Variants in ZNF429 observed in about 807,000 individuals in gnomAD.
ZNF429 encodes the protein zinc finger protein 429.
ZNF429 carries 53 observed loss-of-function variants against 56.8 expected under a neutral mutation model. The ratio of observed to expected loss-of-function variants is 0.93; its 90% CI spans 0.75 to 1.17. The LOEUF (loss-of-function observed/expected upper bound fraction) is 1.17, where lower values mean the gene tolerates loss of function less well. Among genes scored for constraint, ZNF429 ranks in the 50% most tolerant of loss-of-function variants. The pLI is 0.00. For missense variants in ZNF429, 849 were observed against 788.4 expected (o/e 1.08, Z -0.92); for synonymous variants, 278 against 264.7 (o/e 1.05, Z -0.49).
Position 21,539,857 on chromosome 19 carries a change from A to G in ZNF429, c.*1779A>G, listed in dbSNP as rs1426508597. ...ATTCACATGTGAAAGCATGTGATCAATTATTGCTGCATCACATATAGACTC... is the reference window on the plus strand; with the variant it reads ...ATTCACATGTGAAAGCATGTGATCAGTTATTGCTGCATCACATATAGACTC... On this transcript the variant is annotated 3_prime_UTR_variant, in exon 4 of 4. Coordinates refer to ENST00000358491, the MANE Select transcript of ZNF429 (RefSeq NM_001001415.4). Among the ~76,000 whole-genome samples, 1 of 152,152 alleles carries G rather than the reference A, an allele frequency of 6.6e-6. No homozygotes were observed. The highest frequency in any genetic ancestry group is 6.6e-5 in the Admixed American group (1 of 15,262).
At chr19:21,531,243 A>G in intron 3 of ZNF429, among the ~76,000 whole-genome samples, 1 of 152,076 alleles carries the variant, frequency 6.6e-6, no homozygotes, top group Non-Finnish European at 1.5e-5. Context: ...ACCCCTTGTA[A>G]CAAGCCAACT....
At chr19:21,529,411 A>G in intron 1 of ZNF429, 8 of 721,508 alleles carry the variant, frequency 1.1e-5, no homozygotes, top group Non-Finnish European at 1.4e-5. Context: ...ACTTAGAAAA[A>G]TGTCATGTGT....
Position 21,536,764 on chromosome 19 carries a change from A to G in ZNF429, c.711A>G (p.Ala237=). Residue 237 remains alanine (A), a synonymous_variant, in exon 4 of 4, where the codon GCA becomes GCG. Coordinates refer to ENST00000358491, the MANE Select transcript of ZNF429 (RefSeq NM_001001415.4). The part of the protein sequence containing the change: ...KHYRCEECGK[A]FNHYSTLTNH... ...ACAGATGTGAAGAATGTGGCAAAGC[A>G]TTTAACCACTACTCAACCCTTACTA... The G allele has an allele frequency of 3.7e-6, 6 of 1,611,518 alleles. No individual in the cohort carries two copies. Among genetic ancestry groups the G allele is most frequent in the Non-Finnish European group, 5.1e-6 (6 of 1,179,056 alleles).
chr19:21,526,495 A>T (rs1448019841), intron 1 of ZNF429, among the ~76,000 whole-genome samples: 1 of 152,172 alleles, frequency 6.6e-6, no homozygotes, highest in East Asian at 1.9e-4. Flanking sequence ...TTACCTTTTA[A>T]TGTAATGGCA....
Position 21,538,120 on chromosome 19 carries a change from A to G in ZNF429, c.*42A>G, listed in dbSNP as rs1211214924. 1 of 817,578 alleles carries G rather than the reference A, an allele frequency of 1.2e-6. No individual in the cohort carries two copies. Among genetic ancestry groups the G allele is most frequent in the African/African-American group, 1.8e-5 (1 of 57,044 alleles). The allele number at this position is 817,578 out of a possible 1,614,324, so 50.6% of individuals were successfully genotyped here. A position where few individuals can be genotyped will look rare whatever the true frequency, so the allele number is the denominator to read the frequency against. On this transcript the variant is annotated 3_prime_UTR_variant, in exon 4 of 4. Transcript: ENST00000358491. Reference sequence around the variant, plus strand: ...CTCTACTAAAAATACAAAAAAAAAAAAAAAAAAAATTAGCCAGGCGTGGTG... The same window carrying G: ...CTCTACTAAAAATACAAAAAAAAAAGAAAAAAAAATTAGCCAGGCGTGGTG...
intron 1 of ZNF429, among the ~76,000 whole-genome samples, chr19:21,518,114 A>T (rs1490813426): frequency 6.6e-6 from 1 of 152,150 alleles, no homozygotes; most frequent in African/African-American, 2.4e-5. Context: ...TTCTTACTTC[A>T]CTAAACTTGC....
At chr19:21,506,024 C>T in intron 1 of ZNF429, 1 of 358,590 alleles carries the variant, frequency 2.8e-6, no homozygotes, top group Non-Finnish European at 5.4e-6. Flanking sequence ...GGGAGCTCTG[C>T]ACGCGCAATT....
At chr19:21,505,980 C>G (rs1427209227) in intron 1 of ZNF429, 1 of 484,126 alleles carries the variant, frequency 2.1e-6, no homozygotes, top group African/African-American at 2.0e-5. Flanking sequence ...GTCTTCCCTC[C>G]GCAGTGACTG....
At chr19:21,514,965 G>A (rs1474706766) in intron 1 of ZNF429, among the ~76,000 whole-genome samples, 1 of 149,592 alleles carries the variant, frequency 6.7e-6, no homozygotes, top group Non-Finnish European at 1.5e-5. Context: ...TTTTGAGATG[G>A]TGTCTCACTC....
At position 21,536,782 on chromosome 19, in the gene ZNF429, C is replaced by T. The variant is rs761415429; in HGVS notation, c.729C>T (p.Thr243=). ...ECGKAFNHYS[T]LTNHKRIHTG... ...GCAAAGCATTTAACCACTACTCAAC[C>T]CTTACTAACCATAAGAGAATTCATA... The change falls in exon 4 of 4, where the codon ACC becomes ACT. Residue 243 remains threonine (T), a synonymous_variant. Transcript: ENST00000358491. 1 of 1,613,208 alleles carries T rather than the reference C, an allele frequency of 6.2e-7. No individual in the cohort carries two copies. Among genetic ancestry groups the T allele is most frequent in the East Asian group, 2.2e-5 (1 of 44,752 alleles).
At chr19:21,515,028 C>T (rs985107734) in intron 1 of ZNF429, among the ~76,000 whole-genome samples, 3 of 151,864 alleles carry the variant, frequency 2.0e-5, no homozygotes, top group South Asian at 2.1e-4. Flanking sequence ...GCAGCCTCCA[C>T]CTCCCAGATT....
intron 1 of ZNF429, among the ~76,000 whole-genome samples, chr19:21,507,349 AT>A (rs2032226673): frequency 6.6e-6 from 1 of 152,304 alleles, no homozygotes; most frequent in Non-Finnish European, 1.5e-5. Context: ...TTTAGTGTAC[AT>A]TTTTGATACT....
chr19:21,529,542 GTTC>G lies in ZNF429; in HGVS notation c.4-114_4-112del, dbSNP rs2033294779. On this transcript the variant is annotated intron_variant, in intron 1 of 3. Coordinates refer to ENST00000358491, the MANE Select transcript of ZNF429 (RefSeq NM_001001415.4). ...CAGTCACTTGTATAAGTCAGAAGCAGTTCTCTTTACTCTCTCATTTCACCTTGA... is the reference window on the plus strand; with the variant it reads ...CAGTCACTTGTATAAGTCAGAAGCAGTCTTTACTCTCTCATTTCACCTTGA... The G allele has an allele frequency of 2.4e-6, 3 of 1,269,306 alleles. No individual in the cohort carries two copies. The Admixed American group carries it at 9.2e-5, about 39-fold the overall frequency. 78.6% of individuals were successfully genotyped at this position (1,269,306 alleles called of 1,614,324 possible).
At chr19:21,508,373 G>C (rs2032286401) in intron 1 of ZNF429, among the ~76,000 whole-genome samples, 1 of 152,206 alleles carries the variant, frequency 6.6e-6, no homozygotes, top group African/African-American at 2.4e-5. Context: ...CTGAGAGGGT[G>C]GTTATTGAGT....
Position 21,538,008 on chromosome 19 carries a change from G to C in ZNF429, c.1955G>C (p.Cys652Ser), listed in dbSNP as rs780346856. 4.3e-6 allele frequency: 7 copies of C among 1,611,462 alleles called. No individual in the cohort carries two copies. The highest frequency in any genetic ancestry group is 5.9e-6 in the Non-Finnish European group (7 of 1,178,512). Residue 652 changes from cysteine to serine, a missense_variant, in exon 4 of 4, where the codon TGT (cysteine) becomes TCT (serine). Transcript: ENST00000358491. The stretch of plus-strand genomic sequence containing the variant: ...AGGATGGGTGTGGTGGCTCATGCCT[G>C]TAATCCCAGCACTTTGGGAGGCAGA... ...IHRMGVVAHA[C>S]NPSTLGGRGG...
chr19:21,509,675 C>T (rs1252033859), intron 1 of ZNF429, among the ~76,000 whole-genome samples: 3 of 152,186 alleles, frequency 2.0e-5, no homozygotes, highest in Non-Finnish European at 2.9e-5. Context: ...TGGGAACCCA[C>T]AGGCAGATAC....
intron 1 of ZNF429, among the ~76,000 whole-genome samples, chr19:21,510,355 G>A (rs1300025768): frequency 6.6e-6 from 1 of 152,168 alleles, no homozygotes; most frequent in Non-Finnish European, 1.5e-5. Context: ...CTGGGAAGGA[G>A]ATAAATTTCA....
chr19:21,513,873 T>G (rs2032615399), intron 1 of ZNF429, among the ~76,000 whole-genome samples: 2 of 152,104 alleles, frequency 1.3e-5, no homozygotes, highest in Admixed American at 1.3e-4. Flanking sequence ...CACTAGACAT[T>G]GACATGTCCA....
chr19:21,531,132 A>AAC, intron 3 of ZNF429, among the ~76,000 whole-genome samples: 10 of 90,766 alleles, frequency 1.1e-4, no homozygotes, highest in African/African-American at 4.4e-4. Context: ...AAAAAAAACC[A>AAC]AAAAAAAAAA....
Sources: allele counts gnomAD v4.1 joint callset (sites outside exome capture counted in the v4.1 genomes callset), GRCh38; gene constraint gnomAD v4.1.1; transcripts MANE v1.5; gene names NCBI Gene and HGNC (gene_info 2026-07-23, HGNC 2026-07-21).